The following ADARB2 variants were observed in gnomAD, a reference collection of about 807,000 sequenced individuals.
The protein encoded by ADARB2 is adenosine deaminase RNA specific B2 (inactive).
A neutral mutation model predicts 62.2 loss-of-function variants in ADARB2; 25 were observed. The ratio of observed to expected loss-of-function variants is 0.40; its 90% CI spans 0.29 to 0.56. The LOEUF (loss-of-function observed/expected upper bound fraction) is 0.56. Among genes scored for constraint, ADARB2 ranks in the 20% least tolerant of loss-of-function variants. The pLI is 0.43. For missense variants in ADARB2, 1,071 were observed against 1,077.4 expected (o/e 0.99, Z 0.08); for synonymous variants, 572 against 500.8 (o/e 1.14, Z -1.90).
intron 1 of ADARB2, among the ~76,000 whole-genome samples, chr10:1,428,822 TACAC>T (rs138504165): frequency 2.0e-5 from 3 of 149,650 alleles, no homozygotes; most frequent in African/African-American, 4.9e-5. Flanking sequence ...CACATGCACT[TACAC>T]ACACACACAC....
intron 1 of ADARB2, among the ~76,000 whole-genome samples, chr10:1,720,731 A>T (rs1164424671): frequency 6.6e-6 from 1 of 152,158 alleles, no homozygotes; most frequent in Middle Eastern, 3.2e-3. Flanking sequence ...GGGCCCCTGG[A>T]CACGTGGAAA....
chr10:1,266,098 C>A (rs563512584), intron 4 of ADARB2, among the ~76,000 whole-genome samples: 1 of 142,290 alleles, frequency 7.0e-6, no homozygotes, highest in South Asian at 2.3e-4. Context: ...GGGGCCCAGG[C>A]TCTCCCGGAA....
At chr10:1,577,364 T>A (rs1833036511) in intron 1 of ADARB2, among the ~76,000 whole-genome samples, 1 of 150,418 alleles carries the variant, frequency 6.6e-6, no homozygotes, top group Admixed American at 6.6e-5. Context: ...ACACAGGAGG[T>A]GGATGGAAAG....
intron 1 of ADARB2, among the ~76,000 whole-genome samples, chr10:1,667,882 G>T (rs1418245041): frequency 6.6e-6 from 1 of 152,178 alleles, no homozygotes; most frequent in African/African-American, 2.4e-5. Context: ...AATCATAACT[G>T]TAGATATTAA....
At chr10:1,617,090 GAT>G (rs1833647427) in intron 1 of ADARB2, among the ~76,000 whole-genome samples, 1 of 142,212 alleles carries the variant, frequency 7.0e-6, no homozygotes, top group Non-Finnish European at 1.5e-5. Flanking sequence ...TCTGTCGCTA[GAT>G]GTTTGTGTGC....
chr10:1,492,791 G>C (rs1406308269), intron 1 of ADARB2, among the ~76,000 whole-genome samples: 1 of 152,094 alleles, frequency 6.6e-6, no homozygotes, highest in Non-Finnish European at 1.5e-5. Context: ...AGGTAGGGAA[G>C]GAGGTGGGAG....
chr10:1,718,782 GGC>G (rs1835053782), intron 1 of ADARB2, among the ~76,000 whole-genome samples: 5 of 152,170 alleles, frequency 3.3e-5, no homozygotes, highest in Admixed American at 1.3e-4. Flanking sequence ...TCCAGGCTCT[GGC>G]TTCCAGCTCC....
intron 1 of ADARB2, among the ~76,000 whole-genome samples, chr10:1,484,067 C>T (rs189543869): frequency 1.3e-5 from 2 of 152,308 alleles, no homozygotes; most frequent in Admixed American, 1.3e-4. Flanking sequence ...ACGAATTGTT[C>T]TTGATGTGAC....
intron 6 of ADARB2, among the ~76,000 whole-genome samples, chr10:1,228,644 C>G (rs551516502): frequency 6.6e-6 from 1 of 152,246 alleles, no homozygotes; most frequent in African/African-American, 2.4e-5. Context: ...TTTTGAGTCG[C>G]TTGAGATGAA....
chr10:1,598,911 G>A (rs77268090), intron 1 of ADARB2, among the ~76,000 whole-genome samples: 3,335 of 152,304 alleles, frequency 0.022, 116 homozygotes, highest in African/African-American at 0.07. Context: ...TGCCCATGAG[G>A]TTCCCAACCG....
intron 1 of ADARB2, among the ~76,000 whole-genome samples, chr10:1,694,557 A>T (rs1252968945): frequency 1.3e-5 from 2 of 152,204 alleles, no homozygotes; most frequent in Admixed American, 6.5e-5. Context: ...TGTGTGGGAA[A>T]TAAATGCAAT....
At chr10:1,708,275 G>A (rs1046468675) in intron 1 of ADARB2, among the ~76,000 whole-genome samples, 6 of 151,456 alleles carry the variant, frequency 4.0e-5, no homozygotes, top group Admixed American at 3.3e-4. Flanking sequence ...GATCAAAGGG[G>A]ATGAAGAAAA....
At chr10:1,348,741 C>G (rs372280190) in intron 3 of ADARB2, among the ~76,000 whole-genome samples, 3 of 152,294 alleles carry the variant, frequency 2.0e-5, no homozygotes, top group African/African-American at 7.2e-5. Context: ...TATCTGGGCA[C>G]CCTGAGACTG....
At chr10:1,294,889 G>A (rs1473918798) in intron 3 of ADARB2, among the ~76,000 whole-genome samples, 1 of 152,182 alleles carries the variant, frequency 6.6e-6, no homozygotes, top group Non-Finnish European at 1.5e-5. Flanking sequence ...ACTGTCCCCT[G>A]CCAAGGCCCC....
intron 1 of ADARB2, among the ~76,000 whole-genome samples, chr10:1,654,304 A>T (rs564322565): frequency 9.1e-4 from 139 of 152,124 alleles, no homozygotes; most frequent in Middle Eastern, 3.4e-3. Flanking sequence ...CAGGAAGTGC[A>T]CGCCTCCCCC....
intron 1 of ADARB2, among the ~76,000 whole-genome samples, chr10:1,657,879 C>T (rs1834191941): frequency 6.6e-6 from 1 of 152,074 alleles, no homozygotes; most frequent in Non-Finnish European, 1.5e-5. Flanking sequence ...CTCAGTTTCT[C>T]TCTGGTTCTG....
chr10:1,422,611 C>T (rs1332343678), intron 1 of ADARB2, among the ~76,000 whole-genome samples: 1 of 152,282 alleles, frequency 6.6e-6, no homozygotes, highest in East Asian at 1.9e-4. Flanking sequence ...ACCTGGGAGC[C>T]ATCTACTCTG....
At chr10:1,593,393 T>G (rs1178202486) in intron 1 of ADARB2, among the ~76,000 whole-genome samples, 1 of 152,218 alleles carries the variant, frequency 6.6e-6, no homozygotes, top group South Asian at 2.1e-4. Context: ...CCAGCTCCCC[T>G]TGCCCTAGCC....
chr10:1,423,854 A>G (rs955462427), intron 1 of ADARB2, among the ~76,000 whole-genome samples: 5 of 150,694 alleles, frequency 3.3e-5, no homozygotes, highest in Admixed American at 2.6e-4. Flanking sequence ...CAGGACCACT[A>G]TGTATGCAGT....
Sources: gnomAD v4.1 joint callset for allele counts (sites outside exome capture counted in the v4.1 genomes callset) on GRCh38, gnomAD v4.1.1 for gene constraint, MANE v1.5 for transcripts, NCBI Gene and HGNC (gene_info 2026-07-23, HGNC 2026-07-21) for gene names.